Variants in GPAT2 observed in about 807,000 individuals in gnomAD.
GPAT2 encodes 1-acylglycerol-3-phosphate O-acyltransferase GPAT2.
A neutral mutation model predicts 71.0 loss-of-function variants in GPAT2; 51 were observed. That is an observed-to-expected ratio of 0.72 (90% CI 0.57 to 0.91). The LOEUF is 0.91. Among genes scored for constraint, GPAT2 ranks in the 40% least tolerant of loss-of-function variants. The pLI, the probability that GPAT2 is intolerant of heterozygous loss-of-function variation, is 0.00. For missense variants in GPAT2, 511 were observed against 666.0 expected, an observed-to-expected ratio of 0.77 and a Z score of 2.56; for synonymous variants, 222 against 290.3, an observed-to-expected ratio of 0.76 and a Z score of 2.39.
chr2:96,034,115 T>C (rs62155524), intron 1 of GPAT2, among the ~76,000 whole-genome samples: 3 of 142,244 alleles, frequency 2.1e-5, no homozygotes, highest in African/African-American at 7.6e-5. Flanking sequence ...CACACTTCTT[T>C]GACTACACAA....
rs1483575017 is a variant in GPAT2, at chr2:96,024,513, A to T, written c.1601T>A (p.Val534Glu). The stretch of plus-strand genomic sequence containing the variant: ...GAGGCCTGGGCCAGGCTGCGGCACC[A>T]CCAGCAAGTCACCCTGACGGATGCG... ...LLRIRQGDLL[V>E]VPQPGPGLTH... Residue 534 changes from valine to glutamate, a missense_variant, in exon 15 of 22, where the codon GTG becomes GAG. Transcript: ENST00000434632. 1.2e-6 allele frequency: 2 copies of T among 1,613,930 alleles called. No homozygotes were observed. The highest frequency in any genetic ancestry group is 4.5e-5 in the East Asian group (2 of 44,882).
chr2:96,024,637 C>A lies in GPAT2; in HGVS notation c.1477G>T (p.Glu493Ter), dbSNP rs780026839. The stretch of plus-strand genomic sequence containing the variant: ...ACATCAAAGCCACGCAACAGTATCT[C>A]CTCCGTCAGCCAGGAGAACTCCCCC... ...LLGEFSWLTE[E>*]ILLRGFDVGF... Residue 493 changes from glutamate (E) to a stop codon, truncating the protein, a stop_gained, in exon 15 of 22, where the codon GAG becomes TAG. Transcript: ENST00000434632. LOFTEE classifies it high-confidence loss of function. The A allele has an allele frequency of 1.9e-6, 3 of 1,613,894 alleles. No individual in the cohort carries two copies. The highest frequency in any genetic ancestry group is 1.7e-6 in the Non-Finnish European group (2 of 1,179,916).
Position 96,024,610 on chromosome 2 carries a change from C to G in GPAT2, c.1504G>C (p.Gly502Arg), listed in dbSNP as rs759654716. 1 of 1,613,890 alleles carries G rather than the reference C, an allele frequency of 6.2e-7. No homozygotes were observed. Among genetic ancestry groups the G allele is most frequent in the Admixed American group, 1.7e-5 (1 of 60,016 alleles). Residue 502 changes from glycine (G) to arginine (R), a missense_variant, in exon 15 of 22, where the codon GGC becomes CGC. Physicochemically the swap from Gly to Arg is moderately radical, Grantham distance 125. Around this residue, in one of 7 missense-constraint regions of GPAT2, gnomAD observed 295 missense variants for 305.5 expected, o/e 0.97. Transcript: ENST00000434632. ...AGGCTCCGCAGCTGCCCAGAGAAGCCTACATCAAAGCCACGCAACAGTATC... is the reference window on the plus strand; with the variant it reads ...AGGCTCCGCAGCTGCCCAGAGAAGCGTACATCAAAGCCACGCAACAGTATC... ...EEILLRGFDV[G>R]FSGQLRSLLQ...
At chr2:96,024,962 G>A (rs1680232946) in intron 13 of GPAT2, 119 bp from the exon 14 acceptor site, 22 of 1,146,326 alleles carry the variant, frequency 1.9e-5, no homozygotes, top group African/African-American at 3.0e-5. Context: ...GATGAGGAAC[G>A]TACACCCGGA....
chr2:96,023,322 C>T lies in GPAT2; in HGVS notation c.2033G>A (p.Gly678Asp), dbSNP rs1157304055. The change falls in exon 18 of 22, where the codon GGC (glycine) becomes GAC (aspartate). Residue 678 changes from glycine to aspartate, a missense_variant. Coordinates refer to ENST00000434632, the MANE Select transcript of GPAT2 (RefSeq NM_001321527.2). ...TTTGAAACACACCCTGAAGTACCGG[C>T]CGTCAGCCTCTCCGAAGTCATCACT... ...SDSDDFGEADGRYFRLSQQSH... is the reference protein window; with the variant it reads ...SDSDDFGEADDRYFRLSQQSH... The T allele has an allele frequency of 8.7e-6, 14 of 1,614,230 alleles. No homozygotes were observed. The highest frequency in any genetic ancestry group is 1.2e-5 in the Non-Finnish European group (14 of 1,180,028).
At chr2:96,022,927 C>T in intron 20 of GPAT2, 31 bp downstream of exon 20, 2 of 1,613,640 alleles carry the variant, frequency 1.2e-6, no homozygotes, top group Non-Finnish European at 1.7e-6. Context: ...CCACTGCCTG[C>T]AGGAGCCTGG....
chr2:96,022,952 A>T lies in GPAT2; in HGVS notation c.2233+6T>A, dbSNP rs1375065455. On this transcript the variant is annotated splice_donor_region_variant and intron_variant, in intron 20 of 21. Coordinates refer to ENST00000434632, the MANE Select transcript of GPAT2 (RefSeq NM_001321527.2). ...CAGGAGCCTGGGCTGACTGGTTGGG[A>T]CTCACCGAAGATCCCTTCTTCCTGG... The T allele has an allele frequency of 6.2e-7, 1 of 1,613,704 alleles. No homozygotes were observed. The highest frequency in any genetic ancestry group is 1.1e-5 in the South Asian group (1 of 91,066).
intron 19 of GPAT2, 37 bp downstream of exon 19, chr2:96,023,069 G>A (rs1175819539): frequency 1.2e-6 from 2 of 1,614,004 alleles, no homozygotes; most frequent in Non-Finnish European, 1.7e-6. Flanking sequence ...CACAGACACA[G>A]CCTGCCTCGA....
Position 96,022,110 on chromosome 2 carries a change from G to A in GPAT2, c.*49C>T, listed in dbSNP as rs1256261945. The A allele has an allele frequency of 6.3e-7, 1 of 1,598,666 alleles. No individual in the cohort carries two copies. The highest frequency in any genetic ancestry group is 8.5e-7 in the Non-Finnish European group (1 of 1,173,236). On this transcript the variant is annotated 3_prime_UTR_variant, in exon 22 of 22. Transcript: ENST00000434632. ...CTCCATCTTCTGGCTCTAGGACACA[G>A]CTGTGTTCTGGGGCTGAGAAGTCTC...
chr2:96,022,201 C>T lies in GPAT2; in HGVS notation c.2364G>A (p.Gln788=), dbSNP rs1037098572. Residue 788 remains glutamine, a synonymous_variant, in exon 22 of 22, where the codon CAG becomes CAA. Coordinates refer to ENST00000434632, the MANE Select transcript of GPAT2 (RefSeq NM_001321527.2). ...LSPTFASLDN[Q]EKLEQFIRQF... ...GCCGGATGAACTGTTCTAGTTTTTCCTGATTGTCCAGGCTGGCAAAAGTAG... is the reference window on the plus strand; with the variant it reads ...GCCGGATGAACTGTTCTAGTTTTTCTTGATTGTCCAGGCTGGCAAAAGTAG... The T allele has an allele frequency of 2.5e-6, 4 of 1,611,184 alleles. No individual in the cohort carries two copies.
At chr2:96,024,737 C>CT in intron 14 of GPAT2, 36 bp downstream of exon 14, 1 of 1,613,752 alleles carries the variant, frequency 6.2e-7, no homozygotes. Context: ...GCCACCCCCC[C>CT]CACCGCCCAG....
At chr2:96,024,113 C>T in intron 16 of GPAT2, 76 bp downstream of exon 16, 1 of 1,564,400 alleles carries the variant, frequency 6.4e-7, no homozygotes, top group Non-Finnish European at 8.7e-7. Flanking sequence ...AGAGGTAGAG[C>T]ATGGGCAGGG....
At chr2:96,022,355 C>T in intron 21 of GPAT2, 80 bp from the exon 22 acceptor site, 1 of 1,448,242 alleles carries the variant, frequency 6.9e-7, no homozygotes, top group East Asian at 2.5e-5. Flanking sequence ...GCCTGTCCCC[C>T]AGAAACCTGC....
chr2:96,026,046 G>C (rs561071687), intron 11 of GPAT2, 34 bp from the exon 12 acceptor site: 4 of 1,608,408 alleles, frequency 2.5e-6, no homozygotes, highest in East Asian at 4.5e-5. Context: ...TGGCCTGCTC[G>C]GGCCCACCAG....
Position 96,024,660 on chromosome 2 carries a change from C to G in GPAT2, c.1454G>C (p.Gly485Ala), listed in dbSNP as rs374197811. The change falls in exon 15 of 22, where the codon GGG becomes GCG. Residue 485 changes from glycine to alanine, a missense_variant. Transcript: ENST00000434632. ...CTCCTCCGTCAGCCAGGAGAACTCC[C>G]CCAGGAGCTGCGACAGGAACACACC... Reference protein sequence around the residue: ...QKGVFLSQLLGEFSWLTEEIL... With the variant: ...QKGVFLSQLLAEFSWLTEEIL... 6.2e-7 allele frequency: 1 copy of G among 1,613,918 alleles called. No homozygotes were observed.
At chr2:96,022,880 T>G in intron 20 of GPAT2, 78 bp downstream of exon 20, 1 of 1,612,494 alleles carries the variant, frequency 6.2e-7, no homozygotes, top group East Asian at 2.2e-5. Flanking sequence ...AGTTGGGTTG[T>G]CACTGTCCTG....
chr2:96,024,574 A>G lies in GPAT2; in HGVS notation c.1540T>C (p.Ser514Pro), dbSNP rs756094533. The G allele has an allele frequency of 6.2e-7, 1 of 1,613,800 alleles. No homozygotes were observed. The highest frequency in any genetic ancestry group is 1.1e-5 in the South Asian group (1 of 91,074). The change falls in exon 15 of 22, where the codon TCA becomes CCA. Residue 514 changes from serine to proline, a missense_variant. Physicochemically the swap from Ser to Pro is moderately conservative, Grantham distance 74. Coordinates refer to ENST00000434632, the MANE Select transcript of GPAT2 (RefSeq NM_001321527.2). ...ACGTGCGCCCGCAGCAGGCTCAGTG[A>G]GTGCTGCAGCAGGCTCCGCAGCTGC... is the stretch of plus-strand genomic sequence containing the variant. The part of the protein sequence containing the change: ...SGQLRSLLQH[S>P]LSLLRAHVAL...
chr2:96,023,531 A>G (rs1679980470), intron 17 of GPAT2, 91 bp from the exon 18 acceptor site: 1 of 1,380,796 alleles, frequency 7.2e-7, no homozygotes, highest in African/African-American at 1.4e-5. Flanking sequence ...AAACCAGTAA[A>G]AGCAGACCTA....
chr2:96,024,918 T>C, intron 13 of GPAT2, 75 bp from the exon 14 acceptor site: 1 of 1,538,910 alleles, frequency 6.5e-7, no homozygotes, highest in South Asian at 1.1e-5. Context: ...ATCTAGCAAG[T>C]CTTCCTAGCC....
Sources: allele counts gnomAD v4.1 joint callset (sites outside exome capture counted in the v4.1 genomes callset), GRCh38; gene constraint gnomAD v4.1.1; regional missense constraint gnomAD v4.1.1; transcripts MANE v1.5; gene names NCBI Gene and HGNC (gene_info 2026-07-23, HGNC 2026-07-21).